The following GRIA3 variants were observed in gnomAD, a reference collection of about 807,000 sequenced individuals.
The protein encoded by GRIA3 is glutamate ionotropic receptor AMPA type subunit 3.
In GRIA3, 3 loss-of-function variants were observed where a neutral mutation model predicts 63.0. The observed-to-expected ratio is 0.05, with a 90% CI of 0.02 to 0.12. GRIA3 has a LOEUF of 0.12. GRIA3 is among the 10% of genes least tolerant of loss of function. The pLI is 1.00. For synonymous variants in GRIA3, 274 were observed against 257.9 expected (o/e 1.06, Z -0.60); for missense variants, 347 against 700.9 (o/e 0.50, Z 5.70).
At chrX:123,214,358 C>T (rs977705776) in intron 2 of GRIA3, among the ~76,000 whole-genome samples, 3 of 111,703 alleles carry the variant, frequency 2.7e-5, no homozygotes, top group African/African-American at 9.8e-5. Context: ...ATCTGCAACA[C>T]GACCATATGT....
At chrX:123,206,080 G>A (rs1028332957) in intron 2 of GRIA3, among the ~76,000 whole-genome samples, 47 of 111,536 alleles carry the variant, frequency 4.2e-4, no homozygotes, top group African/African-American at 1.4e-3. Context: ...AGGGGTAAAT[G>A]TTTACTGATC....
At chrX:123,340,705 G>A (rs1308278452) in intron 4 of GRIA3, among the ~76,000 whole-genome samples, 1 of 112,295 alleles carries the variant, frequency 8.9e-6, no homozygotes, top group Non-Finnish European at 1.9e-5. Flanking sequence ...AAGTCCTGAT[G>A]TTTATCATTT....
At chrX:123,309,734 G>GA (rs1249194091) in intron 3 of GRIA3, among the ~76,000 whole-genome samples, 1 of 111,869 alleles carries the variant, frequency 8.9e-6, no homozygotes, top group Non-Finnish European at 1.9e-5. Context: ...TGGGGATCCA[G>GA]AAGGGCCCCA....
chrX:123,268,799 G>A (rs1441957682), intron 3 of GRIA3, among the ~76,000 whole-genome samples: 2 of 111,707 alleles, frequency 1.8e-5, no homozygotes, highest in African/African-American at 3.3e-5. Flanking sequence ...GATTTATCGC[G>A]TTAAGCCTTT....
At chrX:123,197,039 T>C (rs996381625) in intron 2 of GRIA3, among the ~76,000 whole-genome samples, 18 of 111,721 alleles carry the variant, frequency 1.6e-4, no homozygotes, top group Non-Finnish European at 3.4e-4. Flanking sequence ...TGGAAAACAG[T>C]AAAAGTTGTA....
intron 12 of GRIA3, among the ~76,000 whole-genome samples, chrX:123,451,444 G>T (rs1011625646): frequency 4.7e-5 from 4 of 85,651 alleles, no homozygotes; most frequent in Non-Finnish European, 8.5e-5. Context: ...ATTCGAAGCT[G>T]CAGTAAGCTA....
intron 3 of GRIA3, among the ~76,000 whole-genome samples, chrX:123,288,129 G>A (rs1322056510): frequency 2.7e-5 from 3 of 112,304 alleles, no homozygotes; most frequent in Admixed American, 9.4e-5. Flanking sequence ...ACAACCATCT[G>A]ATCTTTGACA....
In GRIA3 at chrX:123,428,119, T is replaced by A; in HGVS notation, c.2056T>A (p.Ser686Thr). Reference sequence around the variant, plus strand: ...TGCATATGGGACCCTGGACTCCGGTTCAACAAAAGAATTTTTCAGAGTAAG... The same window carrying A: ...TGCATATGGGACCCTGGACTCCGGTACAACAAAAGAATTTTTCAGAGTAAG... ...EIAYGTLDSG[S>T]TKEFFRRSKI... The change falls in exon 12 of 16, where the codon TCA (serine) becomes ACA (threonine). Residue 686 changes from serine (S) to threonine (T), a missense_variant. By Grantham distance (58) the Ser-to-Thr change is moderately conservative. Around this residue, in one of 8 missense-constraint regions of GRIA3, gnomAD observed 49 missense variants for 176.6 expected, o/e 0.28. Transcript: ENST00000620443. 8.4e-7 allele frequency: 1 copy of A among 1,193,489 alleles called. No homozygotes were observed. The highest frequency in any genetic ancestry group is 1.1e-6 in the Non-Finnish European group (1 of 879,188).
chrX:123,410,608 A>G (rs780591050), intron 10 of GRIA3, among the ~76,000 whole-genome samples: 58 of 111,906 alleles, frequency 5.2e-4, no homozygotes, highest in African/African-American at 1.8e-3. Context: ...CAGAGAGTCG[A>G]TTTGTCCTTC....
chrX:123,279,926 T>C (rs2044575670), intron 3 of GRIA3, among the ~76,000 whole-genome samples: 1 of 111,833 alleles, frequency 8.9e-6, no homozygotes, highest in Admixed American at 9.5e-5. Context: ...ACATTATAAT[T>C]ATATTTTGCT....
At chrX:123,268,612 A>G (rs1364633490) in intron 3 of GRIA3, among the ~76,000 whole-genome samples, 1 of 110,911 alleles carries the variant, frequency 9.0e-6, no homozygotes, top group Non-Finnish European at 1.9e-5. Context: ...AATGCTGAAT[A>G]GTAGCATTTA....
intron 15 of GRIA3, 66 bp downstream of exon 15, chrX:123,483,112 T>A: frequency 1.6e-5 from 2 of 126,821 alleles, no homozygotes; most frequent in Non-Finnish European, 2.8e-5. Context: ...TTTTTTCTTC[T>A]TTTTTTTTTT....
intron 15 of GRIA3, among the ~76,000 whole-genome samples, chrX:123,488,049 G>T (rs188038040): frequency 9.0e-6 from 1 of 111,712 alleles, no homozygotes; most frequent in Admixed American, 9.5e-5. Context: ...TCAGAATCAG[G>T]GGCAAATGAA....
chrX:123,471,990 CATATATATATATATATATATAT>C lies in GRIA3; in HGVS notation c.2324+6889_2324+6910del, dbSNP rs760824587. ...AATATATACCTAAGGCAATGGCATTCATATATATATATATATATATATATATATATATGACTATTTGTATGTC... is the reference window on the plus strand; with the variant it reads ...AATATATACCTAAGGCAATGGCATTCATATATATATGACTATTTGTATGTC... On this transcript the variant is annotated intron_variant, in intron 13 of 15. Transcript: ENST00000620443. Among the ~76,000 whole-genome samples the C allele has an allele frequency of 1.2e-3, 16 of 13,415 alleles. 1 individual carries two copies. The highest frequency in any genetic ancestry group is 2.4e-3 in the Non-Finnish European group (15 of 6,159). The allele number at this position is 13,415 out of a possible 115,157, so 11.6% of individuals were successfully genotyped here.
intron 3 of GRIA3, among the ~76,000 whole-genome samples, chrX:123,317,437 G>T (rs2044839172): frequency 8.9e-6 from 1 of 111,871 alleles, no homozygotes; most frequent in Non-Finnish European, 1.9e-5. Context: ...TTCCACCTAT[G>T]AGCCTGTAAA....
At chrX:123,472,021 ATGAC>A (rs1216142346) in intron 13 of GRIA3, among the ~76,000 whole-genome samples, 32 of 79,318 alleles carry the variant, frequency 4.0e-4, no homozygotes, top group East Asian at 1.1e-3. Context: ...ATATATATAT[ATGAC>A]TATTTGTATG....
At chrX:123,314,837 G>T (rs1219262897) in intron 3 of GRIA3, among the ~76,000 whole-genome samples, 1 of 112,266 alleles carries the variant, frequency 8.9e-6, no homozygotes, top group Non-Finnish European at 1.9e-5. Context: ...TACTTGGAAT[G>T]CCTCAAGTAA....
chrX:123,219,218 C>A (rs1341845567), intron 2 of GRIA3, among the ~76,000 whole-genome samples: 4 of 112,512 alleles, frequency 3.6e-5, no homozygotes, highest in African/African-American at 9.7e-5. Context: ...AGGTGTCCAT[C>A]CCTAAGAAGG....
intron 4 of GRIA3, among the ~76,000 whole-genome samples, chrX:123,344,723 G>C (rs1023705116): frequency 1.8e-5 from 2 of 111,250 alleles, no homozygotes; most frequent in African/African-American, 6.6e-5. Flanking sequence ...GAGTCTGGGT[G>C]AATTTCCTCA....
Sources: allele counts gnomAD v4.1 joint callset (sites outside exome capture counted in the v4.1 genomes callset), GRCh38; gene constraint gnomAD v4.1.1; regional missense constraint gnomAD v4.1.1; transcripts MANE v1.5; gene names NCBI Gene and HGNC (gene_info 2026-07-23, HGNC 2026-07-21).